The following SYT1 variants were observed in gnomAD, a reference collection of about 807,000 sequenced individuals.
SYT1 encodes synaptotagmin-1.
Under a neutral mutation model 44.8 loss-of-function variants are expected in SYT1, and 8 were observed. The observed-to-expected ratio is 0.18, with a 90% CI of 0.10 to 0.32. SYT1 has a LOEUF of 0.32. Among genes scored for constraint, SYT1 ranks in the 10% least tolerant of loss-of-function variants. SYT1 has a pLI of 1.00. For synonymous variants in SYT1, 154 were observed against 188.8 expected (o/e 0.82, Z 1.51); for missense variants, 286 against 509.3 (o/e 0.56, Z 4.22).
chr12:79,117,661 TCATATA>T (rs1383308108), intron 3 of SYT1, among the ~76,000 whole-genome samples: 1 of 38,326 alleles, frequency 2.6e-5, no homozygotes, highest in South Asian at 9.5e-4. Flanking sequence ...GTGTATTACA[TCATATA>T]TATATATATA....
intron 8 of SYT1, among the ~76,000 whole-genome samples, chr12:79,306,119 T>C (rs1459102186): frequency 6.6e-6 from 1 of 152,244 alleles, no homozygotes; most frequent in Admixed American, 6.5e-5. Flanking sequence ...CTGTTTTGTT[T>C]ATCTACTTAG....
At chr12:79,303,442 C>G (rs772896308) in intron 8 of SYT1, among the ~76,000 whole-genome samples, 2 of 151,852 alleles carry the variant, frequency 1.3e-5, no homozygotes, top group Non-Finnish European at 2.9e-5. Context: ...ATGCTGCAAG[C>G]TCTCATGACT....
At chr12:79,231,662 G>T (rs1875877314) in intron 4 of SYT1, among the ~76,000 whole-genome samples, 1 of 152,032 alleles carries the variant, frequency 6.6e-6, no homozygotes, top group African/African-American at 2.4e-5. Flanking sequence ...TGCCTTGAAG[G>T]TAAAATGTTA....
At chr12:79,178,961 G>T (rs192002823) in intron 3 of SYT1, among the ~76,000 whole-genome samples, 280 of 19,530 alleles carry the variant, frequency 0.014, 32 homozygotes, top group African/African-American at 0.039. Context: ...TATAGATATA[G>T]ATATAGATAT....
At chr12:79,422,156 C>T (rs1417105695) in intron 9 of SYT1, among the ~76,000 whole-genome samples, 2 of 152,118 alleles carry the variant, frequency 1.3e-5, no homozygotes, top group East Asian at 1.9e-4. Context: ...TACTCAGCCT[C>T]CTTAGTTCTG....
At chr12:79,088,691 G>A (rs989588267) in intron 3 of SYT1, among the ~76,000 whole-genome samples, 3 of 151,764 alleles carry the variant, frequency 2.0e-5, no homozygotes, top group Admixed American at 1.3e-4. Flanking sequence ...CAAACATGGA[G>A]AGAACAGAAG....
chr12:79,125,139 C>T (rs1193056168), intron 3 of SYT1, among the ~76,000 whole-genome samples: 1 of 152,020 alleles, frequency 6.6e-6, no homozygotes, highest in Non-Finnish European at 1.5e-5. Context: ...TTTTGGTAAG[C>T]ATCTTAGGGC....
intron 4 of SYT1, among the ~76,000 whole-genome samples, chr12:79,249,326 G>T (rs887635323): frequency 6.0e-5 from 9 of 150,812 alleles, no homozygotes; most frequent in South Asian, 2.1e-4. Context: ...GGATGGTCTC[G>T]ATCTCCTGAC....
chr12:79,022,624 T>C (rs1015360262), intron 2 of SYT1, among the ~76,000 whole-genome samples: 13 of 151,598 alleles, frequency 8.6e-5, no homozygotes, highest in African/African-American at 3.1e-4. Context: ...TTTAAATATA[T>C]TAATTATGTT....
intron 8 of SYT1, among the ~76,000 whole-genome samples, chr12:79,352,696 GA>G (rs201165455): frequency 1.3e-5 from 2 of 150,372 alleles, no homozygotes; most frequent in Middle Eastern, 6.8e-3. Flanking sequence ...AGTCTTTTCC[GA>G]AAAAAAAAGT....
chr12:79,355,542 TCA>T (rs922851629), intron 9 of SYT1, among the ~76,000 whole-genome samples: 2 of 152,206 alleles, frequency 1.3e-5, no homozygotes, highest in African/African-American at 4.8e-5. Context: ...TAAGGGCTTC[TCA>T]CTGCCTGTAG....
intron 1 of SYT1, among the ~76,000 whole-genome samples, chr12:78,945,247 T>C (rs1469675545): frequency 6.6e-6 from 1 of 152,112 alleles, no homozygotes; most frequent in Admixed American, 6.5e-5. Context: ...TTTAAAAATA[T>C]AAATGCACCT....
intron 4 of SYT1, among the ~76,000 whole-genome samples, chr12:79,278,192 C>G (rs1878841410): frequency 6.6e-6 from 1 of 151,922 alleles, no homozygotes; most frequent in South Asian, 2.1e-4. Flanking sequence ...ACATTCTGCC[C>G]CAAAAGTGCA....
intron 8 of SYT1, among the ~76,000 whole-genome samples, chr12:79,352,382 G>C (rs1355198132): frequency 1.3e-5 from 2 of 152,076 alleles, no homozygotes; most frequent in Non-Finnish European, 2.9e-5. Context: ...TCATTCCTAT[G>C]TTAAAAGTCT....
At chr12:79,355,191 TG>T (rs1186459263) in intron 9 of SYT1, among the ~76,000 whole-genome samples, 19 of 152,178 alleles carry the variant, frequency 1.2e-4, no homozygotes, top group African/African-American at 4.3e-4. Context: ...GCAGGCATTT[TG>T]GAACTTGGCT....
intron 2 of SYT1, among the ~76,000 whole-genome samples, chr12:79,014,962 T>TA (rs1180008945): frequency 2.8e-5 from 4 of 143,876 alleles, no homozygotes; most frequent in African/African-American, 5.1e-5. Context: ...ATCGCAAGGA[T>TA]AAAAAACCAA....
At chr12:79,395,668 T>C (rs1465043) in intron 9 of SYT1, among the ~76,000 whole-genome samples, 5 of 151,438 alleles carry the variant, frequency 3.3e-5, no homozygotes, top group Non-Finnish European at 7.3e-5. Flanking sequence ...ATTACAGGCA[T>C]GAGCCAACAT....
At chr12:79,178,219 C>A (rs540797321) in intron 3 of SYT1, among the ~76,000 whole-genome samples, 4 of 148,920 alleles carry the variant, frequency 2.7e-5, no homozygotes, top group African/African-American at 1.0e-4. Flanking sequence ...AGGTGATTTT[C>A]TAATTCTATC....
At position 79,338,339 on chromosome 12, in the gene SYT1, C is replaced by T. The variant is rs111460584; in HGVS notation, c.811-15163C>T. On this transcript the variant is annotated intron_variant, in intron 8 of 10. Transcript: ENST00000261205. Reference sequence around the variant, plus strand: ...TCACCCAGGCTGGAGGGCAGTGGTACAAATCATAGCTCACTGCAGCTTCAA... The same window carrying T: ...TCACCCAGGCTGGAGGGCAGTGGTATAAATCATAGCTCACTGCAGCTTCAA... Among the ~76,000 whole-genome samples the T allele has an allele frequency of 6.0e-5, 9 of 150,504 alleles. 1 individual carries two copies. The highest frequency in any genetic ancestry group is 2.2e-4 in the African/African-American group (9 of 40,878).
Sources: gnomAD v4.1 joint callset for allele counts (sites outside exome capture counted in the v4.1 genomes callset) on GRCh38, gnomAD v4.1.1 for gene constraint, MANE v1.5 for transcripts, NCBI Gene and HGNC (gene_info 2026-07-23, HGNC 2026-07-21) for gene names.